ZNF407: variants seen among roughly 807,000 people sequenced by gnomAD.
The protein encoded by ZNF407 is zinc finger protein 407.
ZNF407 carries 17 observed loss-of-function variants against 131.2 expected under a neutral mutation model. The ratio of observed to expected loss-of-function variants is 0.13; its 90% confidence interval spans 0.09 to 0.19. The LOEUF (loss-of-function observed/expected upper bound fraction) is 0.19, where lower values mean the gene tolerates loss of function less well. Ranked by LOEUF, ZNF407 falls within the 10% of genes least tolerant of loss-of-function variation. The pLI is 1.00. For missense variants in ZNF407, 2,681 were observed against 2,830.6 expected, an observed-to-expected ratio of 0.95 and a Z score of 1.20; for synonymous variants, 1,156 against 1,062.0, an observed-to-expected ratio of 1.09 and a Z score of -1.72.
In ZNF407 at chr18:74,781,438, G is replaced by T; in HGVS notation, c.4813G>T (p.Val1605Leu). The change falls in exon 4 of 9, where the codon GTA (valine) becomes TTA (leucine). Residue 1605 changes from valine to leucine, a missense_variant. Val to Leu is a conservative substitution (Grantham distance 32). Coordinates refer to ENST00000299687, the MANE Select transcript of ZNF407 (RefSeq NM_017757.3). ...TTGTTTATTTTTTAGGGTTGCTTTT[G>T]TAATGAAGAAGCACTTAAATACTCA... The part of the protein sequence containing the change: ...YKCHVCGVAF[V>L]MKKHLNTHLL... The T allele has an allele frequency of 1.3e-6, 2 of 1,541,000 alleles. No homozygotes were observed. Among genetic ancestry groups the T allele is most frequent in the South Asian group, 1.2e-5 (1 of 80,960 alleles).
chr18:74,943,263 C>T (rs1972120555), intron 8 of ZNF407, among the ~76,000 whole-genome samples: 1 of 152,162 alleles, frequency 6.6e-6, no homozygotes. Flanking sequence ...ATAACTAATA[C>T]ATTTTTATTT....
At chr18:74,680,585 C>CT (rs1966960553) in intron 3 of ZNF407, among the ~76,000 whole-genome samples, 11 of 152,034 alleles carry the variant, frequency 7.2e-5, no homozygotes, top group Non-Finnish European at 1.3e-4. Flanking sequence ...ACAACTCCCG[C>CT]CCCTCTGTTT....
chr18:74,983,463 T>A (rs1972616719), intron 8 of ZNF407, among the ~76,000 whole-genome samples: 1 of 151,160 alleles, frequency 6.6e-6, no homozygotes, highest in South Asian at 2.1e-4. Context: ...AACCGTGATA[T>A]TCTGTGAGTT....
rs540378279 is a variant in ZNF407, at chr18:74,773,004, G to A, written c.4803-8424G>A. Reference sequence around the variant, plus strand: ...AGAAATTCTGCAGGAGATCATTAGCGTGGAACAATCATGACTGAATGTTGG... The same window carrying A: ...AGAAATTCTGCAGGAGATCATTAGCATGGAACAATCATGACTGAATGTTGG... On this transcript the variant is annotated intron_variant, in intron 3 of 8. Coordinates refer to ENST00000299687, the MANE Select transcript of ZNF407 (RefSeq NM_017757.3). Among the ~76,000 whole-genome samples the A allele has an allele frequency of 3.1e-4, 47 of 152,296 alleles. 3 individuals carry two copies. The highest frequency in any genetic ancestry group is 9.6e-4 in the African/African-American group (40 of 41,570).
chr18:74,861,608 A>G (rs1413023404), intron 4 of ZNF407, among the ~76,000 whole-genome samples: 1 of 152,232 alleles, frequency 6.6e-6, no homozygotes, highest in Non-Finnish European at 1.5e-5. Flanking sequence ...TGGATAGAAT[A>G]CATTGTATCT....
intron 4 of ZNF407, among the ~76,000 whole-genome samples, chr18:74,843,525 A>C (rs1410880346): frequency 1.3e-5 from 2 of 152,236 alleles, no homozygotes; most frequent in African/African-American, 4.8e-5. Flanking sequence ...ATTACAGAAG[A>C]TAACAGCACA....
chr18:74,643,856 A>G (rs1984838246), intron 3 of ZNF407, among the ~76,000 whole-genome samples: 1 of 151,942 alleles, frequency 6.6e-6, no homozygotes. Flanking sequence ...ATGAACCTAG[A>G]CTGATTTTCT....
chr18:74,699,519 C>G (rs1378777622), intron 3 of ZNF407, among the ~76,000 whole-genome samples: 1 of 152,032 alleles, frequency 6.6e-6, no homozygotes, highest in Non-Finnish European at 1.5e-5. Context: ...TTAAAAATGT[C>G]TCCTGGTACC....
intron 8 of ZNF407, among the ~76,000 whole-genome samples, chr18:74,997,551 C>T (rs1362697037): frequency 6.6e-6 from 1 of 152,118 alleles, no homozygotes; most frequent in Non-Finnish European, 1.5e-5. Context: ...TGTCCTTGTG[C>T]CCTTTTTGTG....
intron 8 of ZNF407, among the ~76,000 whole-genome samples, chr18:75,002,872 T>C (rs1972864603): frequency 6.6e-6 from 1 of 151,586 alleles, no homozygotes; most frequent in African/African-American, 2.4e-5. Context: ...GTTTACTAAA[T>C]GGAATAACAA....
At chr18:74,858,927 T>C (rs1194207697) in intron 4 of ZNF407, among the ~76,000 whole-genome samples, 1 of 152,096 alleles carries the variant, frequency 6.6e-6, no homozygotes, top group Non-Finnish European at 1.5e-5. Flanking sequence ...TTTGTCTTTT[T>C]TAAAAAATTT....
intron 8 of ZNF407, among the ~76,000 whole-genome samples, chr18:75,050,727 C>T (rs1427277748): frequency 6.6e-6 from 1 of 152,188 alleles, no homozygotes; most frequent in African/African-American, 2.4e-5. Context: ...AAAGAAGACA[C>T]CCTCTTTCTC....
chr18:74,967,409 C>G (rs1972421537), intron 8 of ZNF407, among the ~76,000 whole-genome samples: 1 of 152,118 alleles, frequency 6.6e-6, no homozygotes, highest in African/African-American at 2.4e-5. Flanking sequence ...ATTATTGCCT[C>G]CATTATTTAA....
chr18:74,907,040 G>A (rs534476723), intron 7 of ZNF407, among the ~76,000 whole-genome samples: 10 of 152,260 alleles, frequency 6.6e-5, no homozygotes, highest in East Asian at 5.8e-4. Context: ...CACACATACC[G>A]TATGTGTATA....
chr18:74,753,907 A>T (rs1442763859), intron 3 of ZNF407, among the ~76,000 whole-genome samples: 1 of 151,966 alleles, frequency 6.6e-6, no homozygotes, highest in Non-Finnish European at 1.5e-5. Context: ...TTTTCTATTG[A>T]TTGGAATGGT....
chr18:74,734,002 T>A (rs1268238035), intron 3 of ZNF407, among the ~76,000 whole-genome samples: 1 of 152,146 alleles, frequency 6.6e-6, no homozygotes, highest in Non-Finnish European at 1.5e-5. Context: ...CTCTTTTTGC[T>A]CATCTTGTTT....
chr18:74,751,962 G>A (rs909827630), intron 3 of ZNF407, among the ~76,000 whole-genome samples: 5 of 152,198 alleles, frequency 3.3e-5, no homozygotes, highest in Admixed American at 3.3e-4. Flanking sequence ...CTTCCACAAT[G>A]GTTGAAGTAG....
At chr18:74,963,148 A>G (rs368977075) in intron 8 of ZNF407, among the ~76,000 whole-genome samples, 1 of 140,560 alleles carries the variant, frequency 7.1e-6, no homozygotes, top group Non-Finnish European at 1.5e-5. Context: ...ACTAACCTTC[A>G]TTCCTTTTTT....
intron 8 of ZNF407, among the ~76,000 whole-genome samples, chr18:74,928,935 A>C (rs1971947562): frequency 1.3e-5 from 2 of 152,168 alleles, no homozygotes; most frequent in South Asian, 4.1e-4. Context: ...TTTTAAAAAG[A>C]ATATCATCCT....
Sources: gnomAD v4.1 joint callset for allele counts (sites outside exome capture counted in the v4.1 genomes callset) on GRCh38, gnomAD v4.1.1 for gene constraint, MANE v1.5 for transcripts, NCBI Gene and HGNC (gene_info 2026-07-23, HGNC 2026-07-21) for gene names.